PEX5L: variants seen among roughly 807,000 people sequenced by gnomAD.
PEX5L encodes the protein peroxisomal biogenesis factor 5 like.
A neutral mutation model predicts 84.0 loss-of-function variants in PEX5L; 30 were observed. The ratio of observed to expected loss-of-function variants is 0.36; its 90% CI spans 0.27 to 0.48. The LOEUF is 0.48. PEX5L is among the 20% of genes least tolerant of loss of function. The pLI is 0.99. For synonymous variants in PEX5L, 270 were observed against 283.1 expected (o/e 0.95, Z 0.46); for missense variants, 533 against 754.6 (o/e 0.71, Z 3.44).
At position 179,800,403 on chromosome 3, in the gene PEX5L, G is replaced by A. The variant is rs975378361; in HGVS notation, c.*1425C>T. ...CGAAGGAAGGAGACCAGGTAAAGAA[G>A]AATGGGATAACTTCTATACCTGACA... is the stretch of plus-strand genomic sequence containing the variant. On this transcript the variant is annotated 3_prime_UTR_variant, in exon 15 of 15. Coordinates refer to ENST00000467460, the MANE Select transcript of PEX5L (RefSeq NM_016559.3). The A allele has an allele frequency of 6.6e-6, 1 of 152,216 alleles. No individual in the cohort carries two copies. Among genetic ancestry groups the A allele is most frequent in the Non-Finnish European group, 1.5e-5 (1 of 68,028 alleles). 9.4% of individuals were successfully genotyped at this position (152,216 alleles called of 1,614,324 possible).
At chr3:179,979,367 C>T (rs1786100352) in intron 1 of PEX5L, among the ~76,000 whole-genome samples, 1 of 152,120 alleles carries the variant, frequency 6.6e-6, no homozygotes, top group Admixed American at 6.6e-5. Context: ...TAAATGTAAT[C>T]ATAGGATGCA....
Position 179,809,459 on chromosome 3 carries a change from C to A in PEX5L, c.1352+12G>T, listed in dbSNP as rs568961684. ...GTGTTTACTGCCAGCTGTAATATAA[C>A]GAGAAGGATACCTATCAACTGGGGA... On this transcript the variant is annotated intron_variant, in intron 12 of 14. Transcript: ENST00000467460. 2.5e-6 allele frequency: 4 copies of A among 1,604,422 alleles called. No homozygotes were observed. The South Asian group carries it at 3.3e-5, about 13-fold the overall frequency.
At chr3:179,829,943 A>ATTTTTTTTT (rs11352022) in intron 8 of PEX5L, among the ~76,000 whole-genome samples, 2,606 of 83,824 alleles carry the variant, frequency 0.031, 1 homozygote, top group Non-Finnish European at 0.039. Flanking sequence ...GGCCTGGCTA[A>ATTTTTTTTT]TTTTTTTTTT....
intron 2 of PEX5L, among the ~76,000 whole-genome samples, chr3:179,969,427 G>T (rs1322002555): frequency 6.6e-6 from 1 of 151,698 alleles, no homozygotes. Context: ...ACGAGATGAG[G>T]CAATATTCAT....
chr3:179,897,189 C>T (rs563036488), intron 3 of PEX5L, among the ~76,000 whole-genome samples: 1 of 152,062 alleles, frequency 6.6e-6, no homozygotes, highest in Non-Finnish European at 1.5e-5. Flanking sequence ...ATATAAATGT[C>T]TTTCATGAGG....
At chr3:180,016,286 T>C (rs1789940687) in intron 1 of PEX5L, among the ~76,000 whole-genome samples, 1 of 152,222 alleles carries the variant, frequency 6.6e-6, no homozygotes, top group South Asian at 2.1e-4. Flanking sequence ...CTTACTGCTA[T>C]CTCTAATGTT....
At chr3:179,986,605 T>C (rs1365113602) in intron 1 of PEX5L, among the ~76,000 whole-genome samples, 1 of 152,092 alleles carries the variant, frequency 6.6e-6, no homozygotes, top group Non-Finnish European at 1.5e-5. Context: ...GGTTTCACCG[T>C]GTTAGCCAGG....
chr3:179,874,726 GTTTTTTTTTTTGTTTTTTTTTT>G (rs1324674564), intron 6 of PEX5L, among the ~76,000 whole-genome samples: 9 of 45,202 alleles, frequency 2.0e-4, no homozygotes, highest in East Asian at 8.8e-4. Context: ...AAAAATTATG[GTTTTTTTTTTTGTTTTTTTTTT>G]TTTTTTTTTT....
intron 8 of PEX5L, among the ~76,000 whole-genome samples, chr3:179,836,090 A>G (rs1444406837): frequency 1.3e-5 from 2 of 152,170 alleles, no homozygotes; most frequent in Non-Finnish European, 2.9e-5. Context: ...ACTTCAGTAT[A>G]TCTTATTTTA....
At chr3:180,012,327 T>C (rs1481931015) in intron 1 of PEX5L, among the ~76,000 whole-genome samples, 2 of 152,228 alleles carry the variant, frequency 1.3e-5, no homozygotes, top group Non-Finnish European at 1.5e-5. Flanking sequence ...TTTAGGGTTA[T>C]TTGAAGACTA....
chr3:180,001,604 T>C (rs764710516), intron 1 of PEX5L, among the ~76,000 whole-genome samples: 6 of 152,032 alleles, frequency 3.9e-5, no homozygotes, highest in Non-Finnish European at 1.5e-5. Flanking sequence ...GTTCACTACA[T>C]TTATTTTTCA....
intron 7 of PEX5L, among the ~76,000 whole-genome samples, chr3:179,872,446 G>A (rs974213868): frequency 6.6e-6 from 1 of 152,072 alleles, no homozygotes; most frequent in Non-Finnish European, 1.5e-5. Flanking sequence ...TCTCTAAAAG[G>A]ATTCATTAAG....
chr3:179,895,056 T>A (rs1167701568), intron 3 of PEX5L, among the ~76,000 whole-genome samples: 21 of 152,160 alleles, frequency 1.4e-4, no homozygotes, highest in Admixed American at 1.4e-3. Context: ...TAGAATAGAA[T>A]ATTCTGTTCA....
intron 1 of PEX5L, among the ~76,000 whole-genome samples, chr3:179,996,777 G>A (rs148633046): frequency 4.4e-4 from 67 of 152,252 alleles, no homozygotes; most frequent in African/African-American, 1.4e-3. Flanking sequence ...GGAGCCAAGT[G>A]GCAGCTTTCA....
At chr3:179,857,602 T>C (rs1340824938) in intron 8 of PEX5L, among the ~76,000 whole-genome samples, 1 of 152,246 alleles carries the variant, frequency 6.6e-6, no homozygotes, top group Non-Finnish European at 1.5e-5. Context: ...AGTCTTCCCT[T>C]GTTGATCTGT....
In PEX5L at chr3:179,887,747, C is replaced by T; in HGVS notation, c.236G>A (p.Ser79Asn). ...ACAGAGAAAGTCATCGATGGAGGGA[C>T]TCAGGAGGGGTCTGCTTTCTTGTTG... is the stretch of plus-strand genomic sequence containing the variant. ...NEQQESRPLL[S>N]PSIDDFLCET... Residue 79 changes from serine to asparagine, a missense_variant, in exon 4 of 15, where the codon AGT (serine) becomes AAT (asparagine). Ser to Asn is a conservative substitution (Grantham distance 46). Coordinates refer to ENST00000467460, the MANE Select transcript of PEX5L (RefSeq NM_016559.3). 6.2e-7 allele frequency: 1 copy of T among 1,613,956 alleles called. No homozygotes were observed. Among genetic ancestry groups the T allele is most frequent in the Non-Finnish European group, 8.5e-7 (1 of 1,179,888 alleles).
chr3:179,991,156 G>A (rs1217778650), intron 1 of PEX5L, among the ~76,000 whole-genome samples: 4 of 152,116 alleles, frequency 2.6e-5, no homozygotes, highest in African/African-American at 7.2e-5. Flanking sequence ...GCACCAAACC[G>A]ACTTACTGTC....
chr3:179,947,767 CAT>C (rs2109907892), intron 2 of PEX5L, among the ~76,000 whole-genome samples: 1 of 144,346 alleles, frequency 6.9e-6, no homozygotes, highest in East Asian at 2.0e-4. Flanking sequence ...AGTGCAGTGG[CAT>C]GATCTCCACT....
intron 4 of PEX5L, among the ~76,000 whole-genome samples, chr3:179,880,671 T>C (rs1753862796): frequency 1.3e-5 from 2 of 152,246 alleles, no homozygotes; most frequent in Non-Finnish European, 2.9e-5. Flanking sequence ...AGTTGATGAA[T>C]AGGTACACAT....
Sources: allele counts gnomAD v4.1 joint callset (sites outside exome capture counted in the v4.1 genomes callset), GRCh38; gene constraint gnomAD v4.1.1; transcripts MANE v1.5; gene names NCBI Gene and HGNC (gene_info 2026-07-23, HGNC 2026-07-21).